Variants in PLCH1 observed in about 807,000 individuals in gnomAD.
PLCH1 encodes phospholipase C eta 1.
PLCH1 carries 60 observed loss-of-function variants against 126.7 expected under a neutral mutation model. The ratio of observed to expected loss-of-function variants is 0.47; its 90% CI spans 0.38 to 0.59. The LOEUF is 0.59. Ranked by LOEUF, PLCH1 falls within the 20% of genes least tolerant of loss-of-function variation. The pLI is 0.00. For missense variants in PLCH1, 1,723 were observed against 2,040.0 expected (o/e 0.84, Z 2.99); for synonymous variants, 719 against 734.9 (o/e 0.98, Z 0.35).
rs542006976 is a variant in PLCH1 at position 155,714,743 on chromosome 3, C to T, written c.-40-10479G>A. Among the ~76,000 whole-genome samples the T allele has an allele frequency of 2.6e-5, 4 of 152,296 alleles. No individual in the cohort carries two copies. In the South Asian group the frequency reaches 8.3e-4, roughly 32 times the overall value. On this transcript the variant is annotated intron_variant, in intron 1 of 22. Transcript: ENST00000460012. ...TGGTTTAGAGTATATAATATGTATC[C>T]AGAGCTTGAAGGAGTCCTCTTCTGT...
chr3:155,603,806 A>G (rs993659994), intron 2 of PLCH1, among the ~76,000 whole-genome samples: 2 of 152,154 alleles, frequency 1.3e-5, no homozygotes, highest in African/African-American at 4.8e-5. Flanking sequence ...TATATAAAAC[A>G]TAACTGCTTG....
intron 11 of PLCH1, among the ~76,000 whole-genome samples, chr3:155,521,474 T>C (rs182786034): frequency 2.0e-5 from 3 of 152,352 alleles, no homozygotes; most frequent in African/African-American, 4.8e-5. Flanking sequence ...AATGCAAAGT[T>C]AAAATGTGTA....
At chr3:155,647,572 A>C (rs564671492) in intron 2 of PLCH1, among the ~76,000 whole-genome samples, 1 of 152,236 alleles carries the variant, frequency 6.6e-6, no homozygotes, top group East Asian at 1.9e-4. Context: ...AAAAATACAG[A>C]GTCTGAAGAC....
At chr3:155,669,131 G>T (rs1193589092) in intron 2 of PLCH1, among the ~76,000 whole-genome samples, 1 of 150,164 alleles carries the variant, frequency 6.7e-6, no homozygotes, top group Non-Finnish European at 1.5e-5. Context: ...ATCACCACTT[G>T]CTTTCATCCA....
intron 10 of PLCH1, among the ~76,000 whole-genome samples, chr3:155,546,625 C>T (rs1344134395): frequency 6.6e-6 from 1 of 152,168 alleles, no homozygotes; most frequent in Non-Finnish European, 1.5e-5. Context: ...ATCACGCTGC[C>T]TGACTTCAAA....
intron 21 of PLCH1, among the ~76,000 whole-genome samples, chr3:155,465,454 T>C (rs904993785): frequency 6.6e-6 from 1 of 152,002 alleles, no homozygotes; most frequent in African/African-American, 2.4e-5. Flanking sequence ...TGAAGAGTAC[T>C]TGGACCCCAA....
intron 2 of PLCH1, among the ~76,000 whole-genome samples, chr3:155,609,088 A>G (rs538558359): frequency 6.6e-6 from 1 of 152,324 alleles, no homozygotes; most frequent in African/African-American, 2.4e-5. Flanking sequence ...ACCAGCATTC[A>G]AGAAAATCAG....
chr3:155,601,259 G>T (rs907511808), intron 2 of PLCH1, among the ~76,000 whole-genome samples: 2 of 152,174 alleles, frequency 1.3e-5, no homozygotes, highest in Admixed American at 6.6e-5. Flanking sequence ...TTACAGGCGT[G>T]AGCCACCGCA....
chr3:155,451,457 G>C (rs1379436193), intron 21 of PLCH1, among the ~76,000 whole-genome samples: 1 of 152,190 alleles, frequency 6.6e-6, no homozygotes, highest in Non-Finnish European at 1.5e-5. Flanking sequence ...TAGAAGGTGT[G>C]ATGGTTCATT....
chr3:155,455,918 G>A (rs926339838), intron 21 of PLCH1, among the ~76,000 whole-genome samples: 2 of 152,184 alleles, frequency 1.3e-5, no homozygotes, highest in African/African-American at 4.8e-5. Flanking sequence ...CCCTAATAAT[G>A]AGGGTGACAA....
intron 10 of PLCH1, among the ~76,000 whole-genome samples, chr3:155,542,722 C>A (rs931770058): frequency 6.6e-6 from 1 of 152,218 alleles, no homozygotes; most frequent in African/African-American, 2.4e-5. Flanking sequence ...GCAGCATTTG[C>A]GGTTCACGAA....
At chr3:155,517,720 C>T (rs1720542886) in intron 11 of PLCH1, among the ~76,000 whole-genome samples, 1 of 152,176 alleles carries the variant, frequency 6.6e-6, no homozygotes, top group Non-Finnish European at 1.5e-5. Context: ...TCCAAATAAG[C>T]TCACATACAT....
chr3:155,575,057 G>A (rs1729741740), intron 6 of PLCH1, among the ~76,000 whole-genome samples: 1 of 151,966 alleles, frequency 6.6e-6, no homozygotes, highest in Admixed American at 6.6e-5. Context: ...CTTGAACCCA[G>A]CAGTCAGAGG....
chr3:155,527,226 A>G (rs976963397), intron 10 of PLCH1, among the ~76,000 whole-genome samples: 1 of 152,214 alleles, frequency 6.6e-6, no homozygotes, highest in Non-Finnish European at 1.5e-5. Flanking sequence ...ACTTCCTTAA[A>G]CATGGAAGGA....
Position 155,565,130 on chromosome 3 carries a change from A to G in PLCH1, c.866-12T>C. The G allele has an allele frequency of 1.3e-6, 2 of 1,592,864 alleles. No homozygotes were observed. The highest frequency in any genetic ancestry group is 8.6e-7 in the Non-Finnish European group (1 of 1,160,708). ...GAAGTTCGTGAAGCCTTTGGAAGAAAGAGAGTGACTTACTACAGCTTTCAA... is the reference window on the plus strand; with the variant it reads ...GAAGTTCGTGAAGCCTTTGGAAGAAGGAGAGTGACTTACTACAGCTTTCAA... On this transcript the variant is annotated splice_polypyrimidine_tract_variant and intron_variant, in intron 7 of 22. Coordinates refer to ENST00000460012, the MANE Select transcript of PLCH1 (RefSeq NM_014996.4).
intron 8 of PLCH1, among the ~76,000 whole-genome samples, 179 bp downstream of exon 8, chr3:155,564,736 T>A (rs1016182458): frequency 1.3e-5 from 2 of 152,168 alleles, no homozygotes. Context: ...TTTCTCCCAA[T>A]TGAACAATAA....
At chr3:155,717,267 T>G (rs964224434) in intron 1 of PLCH1, among the ~76,000 whole-genome samples, 1 of 152,222 alleles carries the variant, frequency 6.6e-6, no homozygotes, top group Non-Finnish European at 1.5e-5. Context: ...CCTGGAGCAG[T>G]ATACAAGCTG....
At position 155,529,649 on chromosome 3, in the gene PLCH1, G is replaced by A. The variant is rs906783867; in HGVS notation, c.1363-5645C>T. ...AAAGCTAATGATCATCTGAACCTTT[G>A]GCAAATTGTAATCATTTTGCTGGCG... On this transcript the variant is annotated intron_variant, in intron 10 of 22. Transcript: ENST00000460012. 2.0e-5 allele frequency among the ~76,000 whole-genome samples: 3 copies of A among 152,230 alleles called. No homozygotes were observed. In the East Asian group the frequency reaches 5.8e-4, roughly 29 times the overall value.
At chr3:155,567,146 C>T (rs1728639440) in intron 7 of PLCH1, among the ~76,000 whole-genome samples, 1 of 152,122 alleles carries the variant, frequency 6.6e-6, no homozygotes, top group Non-Finnish European at 1.5e-5. Flanking sequence ...GGTCTCGGCT[C>T]ACTGCAACCT....
Sources: gnomAD v4.1 joint callset for allele counts (sites outside exome capture counted in the v4.1 genomes callset) on GRCh38, gnomAD v4.1.1 for gene constraint, MANE v1.5 for transcripts, NCBI Gene and HGNC (gene_info 2026-07-23, HGNC 2026-07-21) for gene names.